The following ANKRD18B variants were observed in gnomAD, a reference collection of about 807,000 sequenced individuals.
The protein encoded by ANKRD18B is ankyrin repeat domain-containing protein 18B.
Under a neutral mutation model 111.8 loss-of-function variants are expected in ANKRD18B, and 75 were observed. The observed-to-expected ratio is 0.67, with a 90% confidence interval of 0.56 to 0.81. ANKRD18B has a LOEUF of 0.81. Ranked by LOEUF, ANKRD18B falls within the 40% of genes least tolerant of loss-of-function variation. ANKRD18B has a pLI of 0.00. For synonymous variants in ANKRD18B, 356 were observed against 417.3 expected (o/e 0.85, Z 1.79); for missense variants, 1,038 against 1,225.5 (o/e 0.85, Z 2.28).
chr9:33,567,454 A>C, intron 16 of ANKRD18B, 140 bp downstream of exon 16: 1 of 698,544 alleles, frequency 1.4e-6, no homozygotes, highest in Middle Eastern at 4.1e-4. Flanking sequence ...AAATAATGTT[A>C]GTAAATAATC....
chr9:33,567,370 A>T, intron 16 of ANKRD18B, 56 bp downstream of exon 16: 10 of 1,468,912 alleles, frequency 6.8e-6, no homozygotes, highest in Non-Finnish European at 9.1e-6. Context: ...TTTGTTTTGA[A>T]AGCATAATTT....
intron 15 of ANKRD18B, 85 bp downstream of exon 15, chr9:33,566,585 G>C: frequency 6.8e-7 from 1 of 1,476,254 alleles, no homozygotes; most frequent in Non-Finnish European, 9.0e-7. Flanking sequence ...TGTATATATT[G>C]TGTTTCCTCT....
At chr9:33,568,057 G>C (rs1282076116) in intron 16 of ANKRD18B, among the ~76,000 whole-genome samples, 2 of 152,190 alleles carry the variant, frequency 1.3e-5, no homozygotes, top group Admixed American at 6.5e-5. Flanking sequence ...AACCAGTCTA[G>C]TTCTCCCCCA....
Position 33,558,131 on chromosome 9 carries a change from G to A in ANKRD18B, c.2404G>A (p.Asp802Asn). The change falls in exon 14 of 19, where the codon GAC (aspartate) becomes AAC (asparagine). Residue 802 changes from aspartate (D) to asparagine (N), a missense_variant. Transcript: ENST00000684830. The part of the protein sequence containing the change: ...FANEDFSCHG[D>N]LNTDQLKMDI... The stretch of plus-strand genomic sequence containing the variant: ...AAATGAAGACTTCAGTTGCCATGGA[G>A]ACTTAAATACAGACCAACTGAAAAT... 6.2e-7 allele frequency: 1 copy of A among 1,612,204 alleles called. No homozygotes were observed. The highest frequency in any genetic ancestry group is 1.3e-5 in the African/African-American group (1 of 74,970).
intron 13 of ANKRD18B, among the ~76,000 whole-genome samples, chr9:33,556,872 A>T (rs1828534939): frequency 6.6e-6 from 1 of 152,218 alleles, no homozygotes; most frequent in Non-Finnish European, 1.5e-5. Flanking sequence ...TACATGAAGT[A>T]TACATCTTAT....
rs1283290142 is a variant in ANKRD18B at position 33,572,390 on chromosome 9, A to G, written c.3298A>G (p.Arg1100Gly). 4 of 1,601,532 alleles carry G rather than the reference A, an allele frequency of 2.5e-6. No individual in the cohort carries two copies. The highest frequency in any genetic ancestry group is 3.4e-6 in the Non-Finnish European group (4 of 1,174,232). ...ESTGKPHLMK[R>G]IFNHKILRKS... ...CACTGGTAAGCCACATCTAATGAAG[A>G]GAATATTTAACCATAAAATCTTAAG... The change falls in exon 19 of 19, where the codon AGA becomes GGA. Residue 1100 changes from arginine to glycine, a missense_variant. Physicochemically the swap from Arg to Gly is moderately radical, Grantham distance 125 (BLOSUM62 -2). Coordinates refer to ENST00000684830, the MANE Select transcript of ANKRD18B (RefSeq NM_001393611.1).
Position 33,548,601 on chromosome 9 carries a change from C to T in ANKRD18B, c.1813C>T (p.Gln605Ter), listed in dbSNP as rs866321784. The T allele has an allele frequency of 6.4e-7, 1 of 1,551,288 alleles. No individual in the cohort carries two copies. Among genetic ancestry groups the T allele is most frequent in the Non-Finnish European group, 8.7e-7 (1 of 1,146,668 alleles). ...TCCAAATGGGGAAGCTAAAGAAAGT[C>T]AATCCATTGGAAAGCAGAACTCTTC... The part of the protein sequence containing the change: ...MHPNGEAKES[Q>*]SIGKQNSSEE... The change falls in exon 11 of 19, where the codon CAA becomes TAA. Residue 605 changes from glutamine (Q) to a stop codon, truncating the protein, a stop_gained. Transcript: ENST00000684830. LOFTEE classifies it high-confidence loss of function.
At chr9:33,550,775 G>C (rs1469739583) in intron 12 of ANKRD18B, among the ~76,000 whole-genome samples, 196 bp downstream of exon 12, 1 of 152,096 alleles carries the variant, frequency 6.6e-6, no homozygotes, top group Non-Finnish European at 1.5e-5. Context: ...AATAATAATT[G>C]CATATGTTTT....
Position 33,554,078 on chromosome 9 carries a change from A to T in ANKRD18B, c.2218-1630A>T, listed in dbSNP as rs143922309. On this transcript the variant is annotated intron_variant, in intron 12 of 18. Transcript: ENST00000684830. ...CAGAGTGTGACTCCATCTCAAAAAAAAAATAAATAAATAAGAAAAAGAAAA... is the reference window on the plus strand; with the variant it reads ...CAGAGTGTGACTCCATCTCAAAAAATAAATAAATAAATAAGAAAAAGAAAA... 1.2e-3 allele frequency among the ~76,000 whole-genome samples: 179 copies of T among 151,924 alleles called. 1 individual carries two copies. The East Asian group carries it at 0.021, about 18-fold the overall frequency.
Position 33,560,892 on chromosome 9 carries a change from G to A in ANKRD18B, c.2460+2705G>A, listed in dbSNP as rs1828596313. 2.6e-5 allele frequency among the ~76,000 whole-genome samples: 4 copies of A among 152,184 alleles called. 1 individual carries two copies. The South Asian group carries it at 8.3e-4, about 32-fold the overall frequency. On this transcript the variant is annotated intron_variant, in intron 14 of 18. Coordinates refer to ENST00000684830, the MANE Select transcript of ANKRD18B (RefSeq NM_001393611.1). ...GAGAATTGCTTGACCCCAGACCCAG[G>A]AGGCAGAGGTTGCAGTGAGCTGAGA...
rs561973679 is a variant in ANKRD18B, at chr9:33,572,326, G to A, written c.3234G>A (p.Ala1078=). Residue 1078 remains alanine, a synonymous_variant, in exon 19 of 19, where the codon GCG becomes GCA. Coordinates refer to ENST00000684830, the MANE Select transcript of ANKRD18B (RefSeq NM_001393611.1). ...IITETKKTFA[A]LGPCSYLLSS... ...TCTTTTTCTTTCCAGCTTTTGCTGC[G>A]TTGGGCCCTTGCTCCTATCTACTTT... The A allele has an allele frequency of 7.0e-5, 113 of 1,610,480 alleles. No individual in the cohort carries two copies. Among genetic ancestry groups the A allele is most frequent in the Middle Eastern group, 3.3e-4 (2 of 6,030 alleles).
At chr9:33,561,946 C>T (rs2118113087) in intron 14 of ANKRD18B, among the ~76,000 whole-genome samples, 1 of 152,090 alleles carries the variant, frequency 6.6e-6, no homozygotes, top group South Asian at 2.1e-4. Flanking sequence ...TTGCATATTA[C>T]CAGTTGTCTT....
intron 6 of ANKRD18B, among the ~76,000 whole-genome samples, chr9:33,538,565 A>G (rs1828234020): frequency 6.6e-6 from 1 of 152,018 alleles, no homozygotes; most frequent in African/African-American, 2.4e-5. Context: ...GTGAAACCCT[A>G]TCTCTACTAA....
chr9:33,530,960 G>A (rs1828105921), intron 3 of ANKRD18B, among the ~76,000 whole-genome samples: 2 of 152,018 alleles, frequency 1.3e-5, no homozygotes, highest in South Asian at 2.1e-4. Context: ...GATTTTCTCA[G>A]TTAGATCAGT....
intron 3 of ANKRD18B, among the ~76,000 whole-genome samples, chr9:33,530,299 T>G (rs1828091784): frequency 1.3e-5 from 2 of 152,098 alleles, no homozygotes; most frequent in South Asian, 4.1e-4. Flanking sequence ...GTTCTGAACA[T>G]GTATGGTTAA....
chr9:33,528,920 T>A (rs1828067296), intron 2 of ANKRD18B, 79 bp downstream of exon 2: 1 of 1,569,976 alleles, frequency 6.4e-7, no homozygotes, highest in East Asian at 2.3e-5. Flanking sequence ...CATTTAAATA[T>A]AGCTAGTTGG....
chr9:33,564,742 G>T (rs893368813), intron 14 of ANKRD18B, among the ~76,000 whole-genome samples: 6 of 152,218 alleles, frequency 3.9e-5, no homozygotes, highest in African/African-American at 1.2e-4. Context: ...TTATTGAAAT[G>T]GAGCAAGATT....
At chr9:33,558,675 TAATAC>T (rs1828562966) in intron 14 of ANKRD18B, among the ~76,000 whole-genome samples, 1 of 152,228 alleles carries the variant, frequency 6.6e-6, no homozygotes, top group African/African-American at 2.4e-5. Context: ...TGTATCTTTA[TAATAC>T]AATAATTTAT....
intron 4 of ANKRD18B, among the ~76,000 whole-genome samples, chr9:33,534,142 C>T (rs1291020404): frequency 1.3e-5 from 2 of 152,096 alleles, no homozygotes; most frequent in Non-Finnish European, 2.9e-5. Flanking sequence ...CATCATATCC[C>T]AATGGGACAC....
Sources: gnomAD v4.1 joint callset for allele counts (sites outside exome capture counted in the v4.1 genomes callset) on GRCh38, gnomAD v4.1.1 for gene constraint, MANE v1.5 for transcripts, NCBI Gene and HGNC (gene_info 2026-07-23, HGNC 2026-07-21) for gene names.